PSD3: variants seen among roughly 807,000 people sequenced by gnomAD.
PSD3 encodes the protein PH and SEC7 domain-containing protein 3.
Under a neutral mutation model 105.5 loss-of-function variants are expected in PSD3, and 49 were observed. The observed-to-expected ratio is 0.46, with a 90% CI of 0.37 to 0.59. The LOEUF is 0.59. Ranked by LOEUF, PSD3 falls within the 20% of genes least tolerant of loss-of-function variation. The pLI is 0.00. For missense variants in PSD3, 1,561 were observed against 1,263.8 expected (o/e 1.24, Z -3.57); for synonymous variants, 557 against 457.8 (o/e 1.22, Z -2.77).
At chr8:18,797,875 G>C (rs959933361) in intron 8 of PSD3, among the ~76,000 whole-genome samples, 56 of 151,986 alleles carry the variant, frequency 3.7e-4, no homozygotes, top group African/African-American at 1.3e-3. Context: ...TAGTGTGAAG[G>C]GAATTCTTCA....
At chr8:18,722,012 T>C (rs188392077) in intron 9 of PSD3, among the ~76,000 whole-genome samples, 2 of 152,202 alleles carry the variant, frequency 1.3e-5, no homozygotes, top group East Asian at 3.9e-4. Context: ...AGCCAATTTA[T>C]TGTTACAATT....
chr8:18,544,519 T>C (rs145341810), intron 15 of PSD3, among the ~76,000 whole-genome samples: 3 of 152,050 alleles, frequency 2.0e-5, no homozygotes. Context: ...AACCACACAT[T>C]TTTATTTATA....
In PSD3 at chr8:18,602,533, T is replaced by C. The variant is rs568911522; in HGVS notation, c.2411-2099A>G. Among the ~76,000 whole-genome samples the C allele has an allele frequency of 1.4e-3, 216 of 152,226 alleles. 1 individual carries two copies. Among genetic ancestry groups the C allele is most frequent in the African/African-American group, 4.9e-3 (204 of 41,552 alleles). On this transcript the variant is annotated intron_variant, in intron 11 of 15. Transcript: ENST00000327040. ...ACAACCTATAATCCTCCCAAAAAGA[T>C]AACTAGGGAGCAATTATTCAACGGT...
At chr8:19,000,173 T>C (rs1340601020) in intron 1 of PSD3, 1 of 151,142 alleles carries the variant, frequency 6.6e-6, no homozygotes, top group African/African-American at 2.4e-5. Context: ...AGAGGATCAC[T>C]TCAAGCCAGT....
At chr8:18,783,135 T>C (rs1473045995) in intron 8 of PSD3, among the ~76,000 whole-genome samples, 1 of 152,224 alleles carries the variant, frequency 6.6e-6, no homozygotes, top group Non-Finnish European at 1.5e-5. Flanking sequence ...GGCTTTTCTT[T>C]GTAGGAAGTT....
intron 2 of PSD3, among the ~76,000 whole-genome samples, chr8:18,916,660 C>T (rs1449773404): frequency 6.6e-6 from 1 of 151,840 alleles, no homozygotes; most frequent in Non-Finnish European, 1.5e-5. Flanking sequence ...AGAGATCTGT[C>T]AGACAGCATG....
chr8:18,871,348 CA>C (rs1482818955), intron 3 of PSD3, among the ~76,000 whole-genome samples: 1 of 152,160 alleles, frequency 6.6e-6, no homozygotes, highest in Non-Finnish European at 1.5e-5. Context: ...AAGAAAATGT[CA>C]GAAAAGAATT....
intron 4 of PSD3, among the ~76,000 whole-genome samples, chr8:18,821,118 A>C (rs1408777472): frequency 6.6e-6 from 1 of 152,162 alleles, no homozygotes; most frequent in African/African-American, 2.4e-5. Flanking sequence ...CATGACATTC[A>C]AACAATGACG....
Position 18,872,367 on chromosome 8 carries a change from A to G in PSD3, c.497T>C (p.Val166Ala), listed in dbSNP as rs144528626. The G allele has an allele frequency of 6.2e-7, 1 of 1,614,146 alleles. No individual in the cohort carries two copies. Among genetic ancestry groups the G allele is most frequent in the African/African-American group, 1.3e-5 (1 of 75,038 alleles). Residue 166 changes from valine (V) to alanine (A), a missense_variant, in exon 3 of 16, where the codon GTT becomes GCT. Transcript: ENST00000327040. ...GTCCAGCTCTTTTTCCACCTGCTGA[A>G]CTGAAAAACTAGAAACAGCATCTTG... is the stretch of plus-strand genomic sequence containing the variant. The part of the protein sequence containing the change: ...LDQDAVSSFS[V>A]QQVEKELDTA...
chr8:18,604,230 G>T (rs1331282177), intron 11 of PSD3, among the ~76,000 whole-genome samples: 1 of 152,184 alleles, frequency 6.6e-6, no homozygotes, highest in African/African-American at 2.4e-5. Flanking sequence ...AGGCTAACAA[G>T]GACACAGATG....
At chr8:18,617,228 T>C (rs1235060713) in intron 11 of PSD3, among the ~76,000 whole-genome samples, 1 of 152,164 alleles carries the variant, frequency 6.6e-6, no homozygotes, top group Non-Finnish European at 1.5e-5. Flanking sequence ...ATTATATTTG[T>C]TAATTTTAAA....
intron 1 of PSD3, chr8:18,940,567 T>C (rs1822469403): frequency 6.6e-6 from 1 of 152,198 alleles, no homozygotes; most frequent in Non-Finnish European, 1.5e-5. Flanking sequence ...TAATATAAAA[T>C]TCATTCTGCT....
intron 1 of PSD3, among the ~76,000 whole-genome samples, chr8:18,991,515 G>A (rs1460284161): frequency 6.6e-6 from 1 of 152,018 alleles, no homozygotes; most frequent in East Asian, 1.9e-4. Flanking sequence ...ATTGATAGCT[G>A]AACCACCAGA....
At chr8:18,982,328 A>G (rs908168585) in intron 1 of PSD3, among the ~76,000 whole-genome samples, 4 of 152,088 alleles carry the variant, frequency 2.6e-5, no homozygotes, top group African/African-American at 9.7e-5. Context: ...GCAGTCTTGA[A>G]CTCACCCCTA....
chr8:18,984,688 TAAATTTTTTCAC>T (rs1457526988), intron 1 of PSD3, among the ~76,000 whole-genome samples: 3 of 152,224 alleles, frequency 2.0e-5, no homozygotes, highest in Non-Finnish European at 2.9e-5. Context: ...TTGAGGTTTT[TAAATTTTTTCAC>T]ATTTGAAATT....
In PSD3 at chr8:18,594,648, C is replaced by T. The variant is rs181305043; in HGVS notation, c.2481+5716G>A. On this transcript the variant is annotated intron_variant, in intron 12 of 15. Coordinates refer to ENST00000327040, the MANE Select transcript of PSD3 (RefSeq NM_015310.4). ...GTAAACAGAGACAGGACTTGGTATC[C>T]GTGGGAGATTTGTTCTAGGACCCCT... Among the ~76,000 whole-genome samples, 399 of 150,736 alleles carry T rather than the reference C, an allele frequency of 2.6e-3. 1 individual carries two copies. Among genetic ancestry groups the T allele is most frequent in the African/African-American group, 9.2e-3 (378 of 40,970 alleles).
chr8:19,063,638 T>G (rs931084079), intron 1 of PSD3, among the ~76,000 whole-genome samples: 1 of 152,160 alleles, frequency 6.6e-6, no homozygotes, highest in African/African-American at 2.4e-5. Context: ...GCGAGTATAG[T>G]AAAGACTTTT....
intron 10 of PSD3, among the ~76,000 whole-genome samples, chr8:18,633,732 G>A (rs911473491): frequency 5.3e-5 from 8 of 152,064 alleles, no homozygotes; most frequent in African/African-American, 1.7e-4. Context: ...ATGAGTGCAT[G>A]TGTCTTTTTG....
chr8:19,071,930 G>A (rs1367017937), intron 1 of PSD3, among the ~76,000 whole-genome samples: 1 of 152,044 alleles, frequency 6.6e-6, no homozygotes, highest in Non-Finnish European at 1.5e-5. Flanking sequence ...GGCTGGTCTG[G>A]AACTCCTGAC....
Sources: allele counts gnomAD v4.1 joint callset (sites outside exome capture counted in the v4.1 genomes callset), GRCh38; gene constraint gnomAD v4.1.1; transcripts MANE v1.5; gene names NCBI Gene and HGNC (gene_info 2026-07-23, HGNC 2026-07-21).